Variants in ALPK3 observed in about 807,000 individuals in gnomAD.
ALPK3 encodes alpha kinase 3.
Under a neutral mutation model 140.0 loss-of-function variants are expected in ALPK3, and 102 were observed. That is an observed-to-expected ratio of 0.73 (90% CI 0.62 to 0.86). The LOEUF (loss-of-function observed/expected upper bound fraction) is 0.86. Ranked by LOEUF, ALPK3 falls within the 40% of genes least tolerant of loss-of-function variation. The pLI is 0.00. For missense variants in ALPK3, 2,254 were observed against 2,208.2 expected (o/e 1.02, Z -0.42); for synonymous variants, 938 against 898.5 (o/e 1.04, Z -0.79).
chr15:84,830,431 G>A (rs1258619500), intron 3 of ALPK3, among the ~76,000 whole-genome samples: 1 of 152,194 alleles, frequency 6.6e-6, no homozygotes, highest in Non-Finnish European at 1.5e-5. Flanking sequence ...TGAAGATGGT[G>A]CAGAGGGCAT....
chr15:84,821,327 T>G (rs1012150826), intron 1 of ALPK3, among the ~76,000 whole-genome samples: 1 of 152,188 alleles, frequency 6.6e-6, no homozygotes, highest in African/African-American at 2.4e-5. Flanking sequence ...GGGTCCTCTG[T>G]CCCAGCTCAC....
At chr15:84,856,131 A>G (rs1367497276) in intron 5 of ALPK3, among the ~76,000 whole-genome samples, 1 of 152,190 alleles carries the variant, frequency 6.6e-6, no homozygotes, top group South Asian at 2.1e-4. Context: ...AGAGGTGGAA[A>G]GGGCCAGAGC....
rs764616020 is a variant in ALPK3, at chr15:84,827,505, T to G, written c.204T>G (p.Ile68Met). 6.2e-7 allele frequency: 1 copy of G among 1,614,194 alleles called. No homozygotes were observed. The highest frequency in any genetic ancestry group is 8.5e-7 in the Non-Finnish European group (1 of 1,180,038). The change falls in exon 3 of 14, where the codon ATT becomes ATG. Residue 68 changes from isoleucine (I) to methionine (M), a missense_variant. Around this residue, in one of 3 missense-constraint regions of ALPK3, gnomAD observed 2,088 missense variants for 2,022.9 expected, o/e 1.03. Transcript: ENST00000258888. Reference sequence around the variant, plus strand: ...TTAGGAGCACCTTCTGCTCCATCATTGCTCAGCTCACAGAGGAGACCCAGC... The same window carrying G: ...TTAGGAGCACCTTCTGCTCCATCATGGCTCAGCTCACAGAGGAGACCCAGC... ...SSGRSTFCSI[I>M]AQLTEETQPL... is the part of the protein sequence containing the mutation.
chr15:84,848,071 AAAAT>A (rs1490604957), intron 5 of ALPK3, among the ~76,000 whole-genome samples: 1 of 151,864 alleles, frequency 6.6e-6, no homozygotes, highest in Non-Finnish European at 1.5e-5. Context: ...CAAAAAAAAA[AAAAT>A]AAAAAGAAAA....
chr15:84,868,155 G>A lies in ALPK3; in HGVS notation c.4817G>A (p.Arg1606Gln). Residue 1606 changes from arginine to glutamine, a missense_variant, in exon 14 of 14, where the codon CGG (arginine) becomes CAG (glutamine). This residue lies in a region of ALPK3 where 158 missense variants were observed against 159.8 expected (regional missense o/e 0.99). Coordinates refer to ENST00000258888, the MANE Select transcript of ALPK3 (RefSeq NM_020778.5). ...AGCTGCTTCCCTGCCCTGCTGGACCGGTTCGCCTCCTCCCACCAGTGCAAT... is the reference window on the plus strand; with the variant it reads ...AGCTGCTTCCCTGCCCTGCTGGACCAGTTCGCCTCCTCCCACCAGTGCAAT... ...KESCFPALLDRFASSHQCNAY... is the reference protein window; with the variant it reads ...KESCFPALLDQFASSHQCNAY... 10 of 1,613,882 alleles carry A rather than the reference G, an allele frequency of 6.2e-6. No homozygotes were observed. Among genetic ancestry groups the A allele is most frequent in the Non-Finnish European group, 8.5e-6 (10 of 1,179,864 alleles).
In ALPK3 at chr15:84,823,516, C is replaced by T. The variant is rs546055043; in HGVS notation, c.182+148C>T. On this transcript the variant is annotated intron_variant, in intron 2 of 13. Coordinates refer to ENST00000258888, the MANE Select transcript of ALPK3 (RefSeq NM_020778.5). The stretch of plus-strand genomic sequence containing the variant: ...TGGGTGGGGAGAGTGCAAGAAGGTA[C>T]TCAGGTGAACATGGCTCTCACAGGG... 2.3e-5 allele frequency: 20 copies of T among 884,838 alleles called. No individual in the cohort carries two copies. In the South Asian group the frequency reaches 3.1e-4, roughly 14 times the overall value. 54.8% of individuals were successfully genotyped at this position (884,838 alleles called of 1,614,324 possible).
intron 13 of ALPK3, 91 bp downstream of exon 13, chr15:84,867,456 C>G (rs982881887): frequency 5.4e-6 from 8 of 1,490,902 alleles, no homozygotes; most frequent in Non-Finnish European, 7.5e-6. Context: ...CCCTGAGGTG[C>G]TGGGCCTGGG....
intron 2 of ALPK3, 56 bp downstream of exon 2, chr15:84,823,424 T>G: frequency 1.3e-6 from 2 of 1,596,126 alleles, no homozygotes; most frequent in Non-Finnish European, 1.7e-6. Flanking sequence ...GTCTGGGCAT[T>G]GAGGGGCCAC....
intron 5 of ALPK3, among the ~76,000 whole-genome samples, chr15:84,853,212 TA>T (rs1236751735): frequency 2.0e-5 from 3 of 152,174 alleles, no homozygotes; most frequent in Non-Finnish European, 1.5e-5. Context: ...TATCAAAAGA[TA>T]AAAAAGAGGC....
At chr15:84,823,984 C>T (rs1963456810) in intron 2 of ALPK3, among the ~76,000 whole-genome samples, 1 of 152,254 alleles carries the variant, frequency 6.6e-6, no homozygotes, top group African/African-American at 2.4e-5. Flanking sequence ...GCTGGGATTA[C>T]AGGCGTAAGC....
In ALPK3 at chr15:84,868,263, G is replaced by A; in HGVS notation, c.4925G>A (p.Ser1642Asn). 6.2e-7 allele frequency: 1 copy of A among 1,614,170 alleles called. No individual in the cohort carries two copies. Among genetic ancestry groups the A allele is most frequent in the Non-Finnish European group, 8.5e-7 (1 of 1,180,016 alleles). ...CAAGCCAAAGCCAAAGGCTCTAAGA[G>A]TCCATCTGCTGGCAGGAAAGGCTCC... ...HPQAKAKGSK[S>N]PSAGRKGSQL... The change falls in exon 14 of 14, where the codon AGT (serine) becomes AAT (asparagine). Residue 1642 changes from serine (S) to asparagine (N), a missense_variant. Physicochemically the swap from Ser to Asn is conservative, Grantham distance 46 (BLOSUM62 1). Transcript: ENST00000258888.
In ALPK3 at chr15:84,830,792, G is replaced by A. The variant is rs534790092; in HGVS notation, c.304+3187G>A. On this transcript the variant is annotated intron_variant, in intron 3 of 13. Coordinates refer to ENST00000258888, the MANE Select transcript of ALPK3 (RefSeq NM_020778.5). ...AGATCACTGCAGCCTCAACCGCCCCGGCTCAGGTGATCCTCCTGCCTCAGC... is the reference window on the plus strand; with the variant it reads ...AGATCACTGCAGCCTCAACCGCCCCAGCTCAGGTGATCCTCCTGCCTCAGC... Among the ~76,000 whole-genome samples, 19 of 152,240 alleles carry A rather than the reference G, an allele frequency of 1.2e-4. No homozygotes were observed. The East Asian group carries it at 1.4e-3, about 11-fold the overall frequency.
intron 5 of ALPK3, among the ~76,000 whole-genome samples, chr15:84,844,655 G>A (rs1410654162): frequency 6.6e-6 from 1 of 152,104 alleles, no homozygotes; most frequent in Non-Finnish European, 1.5e-5. Context: ...TCAGGAGTTC[G>A]AGACTAGCCT....
In ALPK3 at chr15:84,845,759, G is replaced by A. The variant is rs114834628; in HGVS notation, c.1653+4827G>A. Among the ~76,000 whole-genome samples the A allele has an allele frequency of 7.4e-3, 1,124 of 152,324 alleles. 12 individuals are homozygous for A. Among genetic ancestry groups the A allele is most frequent in the African/African-American group, 0.026 (1,070 of 41,580 alleles). On this transcript the variant is annotated intron_variant, in intron 5 of 13. Coordinates refer to ENST00000258888, the MANE Select transcript of ALPK3 (RefSeq NM_020778.5). ...CACTGGGTGGCACACACACAGGGCA[G>A]ATCCAAATAGCACTGCAGGCCGGGT...
intron 5 of ALPK3, among the ~76,000 whole-genome samples, chr15:84,843,361 G>GCCT (rs1270466885): frequency 5.3e-5 from 8 of 152,202 alleles, no homozygotes; most frequent in African/African-American, 1.9e-4. Flanking sequence ...CTGACCACTT[G>GCCT]GGTGGCTGAG....
chr15:84,840,910 C>G lies in ALPK3; in HGVS notation c.1631C>G (p.Ala544Gly). 6.2e-7 allele frequency: 1 copy of G among 1,603,918 alleles called. No individual in the cohort carries two copies. Among genetic ancestry groups the G allele is most frequent in the Non-Finnish European group, 8.5e-7 (1 of 1,175,190 alleles). Residue 544 changes from alanine to glycine, a missense_variant, in exon 5 of 14, where the codon GCA (alanine) becomes GGA (glycine). Ala to Gly is a moderately conservative substitution (Grantham distance 60). Around this residue, in one of 3 missense-constraint regions of ALPK3, gnomAD observed 2,088 missense variants for 2,022.9 expected, o/e 1.03. Coordinates refer to ENST00000258888, the MANE Select transcript of ALPK3 (RefSeq NM_020778.5). ...CGGGACAGCACGTTGCAGGGGCAAGCAGGCCACAGGACTCCAGGAGAGGTA... is the reference window on the plus strand; with the variant it reads ...CGGGACAGCACGTTGCAGGGGCAAGGAGGCCACAGGACTCCAGGAGAGGTA... ...GTRDSTLQGQ[A>G]GHRTPGEVLE...
At chr15:84,850,027 A>C (rs1050961949) in intron 5 of ALPK3, among the ~76,000 whole-genome samples, 2 of 151,642 alleles carry the variant, frequency 1.3e-5, no homozygotes, top group East Asian at 1.9e-4. Context: ...GACACAAAAT[A>C]CAAGTATTAA....
intron 4 of ALPK3, 64 bp from the exon 5 acceptor site, chr15:84,839,638 G>C (rs1045217212): frequency 2.0e-6 from 3 of 1,517,844 alleles, no homozygotes; most frequent in Non-Finnish European, 2.6e-6. Flanking sequence ...GGCTCTGGCT[G>C]GGGGGTGTGG....
chr15:84,826,899 C>G (rs945394452), intron 2 of ALPK3, among the ~76,000 whole-genome samples: 1 of 152,118 alleles, frequency 6.6e-6, no homozygotes, highest in African/African-American at 2.4e-5. Flanking sequence ...TTAGAGTCCC[C>G]CCTTGGGTCT....
Sources: gnomAD v4.1 joint callset for allele counts (sites outside exome capture counted in the v4.1 genomes callset) on GRCh38, gnomAD v4.1.1 for gene constraint, gnomAD v4.1.1 regional missense constraint, MANE v1.5 for transcripts, NCBI Gene and HGNC (gene_info 2026-07-23, HGNC 2026-07-21) for gene names.